Variants in NRXN3 observed in about 807,000 individuals in gnomAD.
The protein encoded by NRXN3 is neurexin 3, also known as neurexin III.
NRXN3 carries 32 observed loss-of-function variants against 137.6 expected under a neutral mutation model. The observed-to-expected ratio is 0.23, with a 90% CI of 0.18 to 0.31. NRXN3 has a LOEUF of 0.31. Among genes scored for constraint, NRXN3 ranks in the 10% least tolerant of loss-of-function variants. NRXN3 has a pLI of 1.00. For missense variants in NRXN3, 1,574 were observed against 2,062.5 expected (o/e 0.76, Z 4.59); for synonymous variants, 798 against 784.5 (o/e 1.02, Z -0.29).
At chr14:79,748,257 TA>T (rs566475941) in intron 19 of NRXN3, among the ~76,000 whole-genome samples, 3 of 151,510 alleles carry the variant, frequency 2.0e-5, no homozygotes, top group East Asian at 3.9e-4. Context: ...TTTAAAAACT[TA>T]AAAAAAAGCG....
In NRXN3 at chr14:78,957,361, G is replaced by A; in HGVS notation, c.2395G>A (p.Gly799Ser). The change falls in exon 11 of 21, where the codon GGT becomes AGT. Residue 799 changes from glycine to serine, a missense_variant and splice_region_variant. Gly to Ser is a moderately conservative substitution (Grantham distance 56, BLOSUM62 0). Transcript: ENST00000335750. ...KLTVDDDVAE[G>S]TMVGDHTRLE... The stretch of plus-strand genomic sequence containing the variant: ...AACCGTGGATGATGATGTGGCTGAG[G>A]GTGAGTATGACTATGGTGAAATTCG... 6.2e-7 allele frequency: 1 copy of A among 1,612,918 alleles called. No individual in the cohort carries two copies. The highest frequency in any genetic ancestry group is 1.3e-5 in the African/African-American group (1 of 74,396).
intron 17 of NRXN3, among the ~76,000 whole-genome samples, chr14:79,670,393 G>A (rs2098600455): frequency 3.3e-5 from 5 of 151,958 alleles, no homozygotes; most frequent in Admixed American, 2.6e-4. Flanking sequence ...TGTAACCAAG[G>A]GCCCCTGGCC....
At chr14:79,492,426 A>G (rs2096726252) in intron 16 of NRXN3, among the ~76,000 whole-genome samples, 1 of 151,904 alleles carries the variant, frequency 6.6e-6, no homozygotes, top group Admixed American at 6.6e-5. Context: ...TCTGTTGCCC[A>G]GGCTGGAGTG....
At chr14:79,173,453 G>C (rs1386940951) in intron 15 of NRXN3, among the ~76,000 whole-genome samples, 6 of 146,750 alleles carry the variant, frequency 4.1e-5, no homozygotes, top group African/African-American at 1.3e-4. Flanking sequence ...GGCTGCTTGA[G>C]CCAGGAGGTA....
intron 15 of NRXN3, among the ~76,000 whole-genome samples, chr14:79,126,585 T>A (rs36127200): frequency 6.6e-6 from 1 of 151,830 alleles, no homozygotes; most frequent in Non-Finnish European, 1.5e-5. Context: ...TGTTGGACAT[T>A]TGGGTTGGTT....
Position 78,684,126 on chromosome 14 carries a change from C to T in NRXN3, c.1222-25091C>T, listed in dbSNP as rs117867310. Among the ~76,000 whole-genome samples, 872 of 152,264 alleles carry T rather than the reference C, an allele frequency of 5.7e-3. 7 individuals are homozygous for T. The highest frequency in any genetic ancestry group is 0.02 in the Middle Eastern group (6 of 294). ...CATCTCATCTGGGGGCCTCTCTTCT[C>T]TGACTGTATTAACCATACTTATCTT... On this transcript the variant is annotated intron_variant, in intron 6 of 20. Coordinates refer to ENST00000335750, the MANE Select transcript of NRXN3 (RefSeq NM_001330195.2).
At chr14:79,772,112 C>T (rs1362050411) in intron 19 of NRXN3, among the ~76,000 whole-genome samples, 1 of 150,692 alleles carries the variant, frequency 6.6e-6, no homozygotes, top group Non-Finnish European at 1.5e-5. Flanking sequence ...AACCACTGCT[C>T]AAGGGAATAA....
intron 16 of NRXN3, among the ~76,000 whole-genome samples, chr14:79,622,946 T>C (rs2098240972): frequency 6.6e-6 from 1 of 152,202 alleles, no homozygotes; most frequent in Non-Finnish European, 1.5e-5. Context: ...TATTATTTGA[T>C]CTTTTATGTA....
chr14:78,833,874 T>G (rs2098989132), intron 10 of NRXN3, among the ~76,000 whole-genome samples: 1 of 152,166 alleles, frequency 6.6e-6, no homozygotes, highest in South Asian at 2.1e-4. Context: ...CATCTACTAT[T>G]TATTGAGCAC....
intron 20 of NRXN3, among the ~76,000 whole-genome samples, chr14:79,828,429 G>A (rs761013093): frequency 1.3e-5 from 2 of 151,862 alleles, no homozygotes; most frequent in East Asian, 3.9e-4. Flanking sequence ...AGACTAGCCT[G>A]GCAAACATGG....
At chr14:79,379,512 T>G (rs1468900682) in intron 15 of NRXN3, among the ~76,000 whole-genome samples, 2 of 152,188 alleles carry the variant, frequency 1.3e-5, no homozygotes, top group Non-Finnish European at 2.9e-5. Context: ...TTGCCCACTT[T>G]CTGCAAGTGG....
At chr14:78,700,405 A>C (rs2098267466) in intron 6 of NRXN3, among the ~76,000 whole-genome samples, 1 of 152,186 alleles carries the variant, frequency 6.6e-6, no homozygotes, top group Non-Finnish European at 1.5e-5. Flanking sequence ...TAGAATAGAA[A>C]TATGTCTATT....
At chr14:79,089,837 T>C (rs1005474854) in intron 15 of NRXN3, among the ~76,000 whole-genome samples, 5 of 152,142 alleles carry the variant, frequency 3.3e-5, no homozygotes, top group Admixed American at 1.3e-4. Context: ...TGGAGAAATA[T>C]CTTAAACTCC....
At chr14:78,348,948 G>A (rs1209373458) in intron 4 of NRXN3, among the ~76,000 whole-genome samples, 1 of 152,172 alleles carries the variant, frequency 6.6e-6, no homozygotes, top group Non-Finnish European at 1.5e-5. Flanking sequence ...TCATGTAAAG[G>A]TGGTCACTGT....
chr14:79,592,447 G>A (rs1346854732), intron 16 of NRXN3, among the ~76,000 whole-genome samples: 12 of 152,044 alleles, frequency 7.9e-5, no homozygotes, highest in Admixed American at 7.9e-4. Flanking sequence ...AAGTTTTAAT[G>A]TTTTTTAAAA....
intron 8 of NRXN3, among the ~76,000 whole-genome samples, chr14:78,732,530 A>G (rs1055837226): frequency 1.3e-5 from 2 of 152,204 alleles, no homozygotes; most frequent in African/African-American, 4.8e-5. Context: ...TTCAGAAGAC[A>G]TCAGAGTCTT....
intron 10 of NRXN3, among the ~76,000 whole-genome samples, chr14:78,926,634 A>ATATATATATATAATATATATATAATATG (rs2099292795): frequency 9.5e-6 from 1 of 105,206 alleles, no homozygotes; most frequent in African/African-American, 3.4e-5. Context: ...TATATATAAT[A>ATATATATATATAATATATATATAATATG]TATATTTATA....
At chr14:79,458,465 C>G (rs2096284590) in intron 15 of NRXN3, among the ~76,000 whole-genome samples, 1 of 152,130 alleles carries the variant, frequency 6.6e-6, no homozygotes, top group East Asian at 1.9e-4. Context: ...CCATTCTACT[C>G]CATGCCTGAA....
chr14:78,364,429 C>A (rs2085594883), intron 4 of NRXN3, among the ~76,000 whole-genome samples: 1 of 152,122 alleles, frequency 6.6e-6, no homozygotes, highest in Non-Finnish European at 1.5e-5. Flanking sequence ...CAAGGCGTGC[C>A]TATTGCAGGG....
Sources: gnomAD v4.1 joint callset for allele counts (sites outside exome capture counted in the v4.1 genomes callset) on GRCh38, gnomAD v4.1.1 for gene constraint, MANE v1.5 for transcripts, NCBI Gene and HGNC (gene_info 2026-07-23, HGNC 2026-07-21) for gene names.